UQCRC1: variants seen among roughly 807,000 people sequenced by gnomAD.
UQCRC1 encodes ubiquinol-cytochrome c reductase core protein 1.
In UQCRC1, 34 loss-of-function variants were observed where a neutral mutation model predicts 58.0. That is an observed-to-expected ratio of 0.59 (90% CI 0.45 to 0.78). The LOEUF is 0.78. Ranked by LOEUF, UQCRC1 falls within the 30% of genes least tolerant of loss-of-function variation. The pLI, the probability that UQCRC1 is intolerant of heterozygous loss-of-function variation, is 0.00. For missense variants in UQCRC1, 610 were observed against 646.0 expected, an observed-to-expected ratio of 0.94 and a Z score of 0.60; for synonymous variants, 276 against 248.8, an observed-to-expected ratio of 1.11 and a Z score of -1.03.
At chr3:48,603,840 C>A (rs1273120874) in intron 5 of UQCRC1, among the ~76,000 whole-genome samples, 197 bp from the exon 6 acceptor site, 1 of 151,656 alleles carries the variant, frequency 6.6e-6, no homozygotes, top group Non-Finnish European at 1.5e-5. Context: ...CCTTGTCTGC[C>A]CTTGCCTCAT....
intron 5 of UQCRC1, 26 bp downstream of exon 5, chr3:48,604,207 C>G: frequency 6.2e-7 from 1 of 1,609,814 alleles, no homozygotes; most frequent in Non-Finnish European, 8.5e-7. Context: ...AGCAAGCATC[C>G]CCCCACAAGG....
intron 7 of UQCRC1, 30 bp from the exon 8 acceptor site, chr3:48,601,148 C>G: frequency 1.3e-6 from 2 of 1,581,224 alleles, no homozygotes; most frequent in Middle Eastern, 3.8e-4. Context: ...GGCTGAGGAA[C>G]AGCCAGACTG....
chr3:48,604,719 A>G lies in UQCRC1; in HGVS notation c.359T>C (p.Leu120Pro). The G allele has an allele frequency of 6.2e-7, 1 of 1,614,168 alleles. No homozygotes were observed. The highest frequency in any genetic ancestry group is 8.5e-7 in the Non-Finnish European group (1 of 1,180,020). The change falls in exon 4 of 13, where the codon CTT (leucine) becomes CCT (proline). Residue 120 changes from leucine (L) to proline (P), a missense_variant. Coordinates refer to ENST00000203407, the MANE Select transcript of UQCRC1 (RefSeq NM_003365.3). ...GTGCTCCCGGGTGCTGTAGGCATTAAGATGGGCCCCCATGCTCTCCACCTC... is the reference window on the plus strand; with the variant it reads ...GTGCTCCCGGGTGCTGTAGGCATTAGGATGGGCCCCCATGCTCTCCACCTC... ...EKEVESMGAH[L>P]NAYSTREHTA...
chr3:48,604,932 A>T, intron 3 of UQCRC1, 152 bp from the exon 4 acceptor site: 1 of 1,159,310 alleles, frequency 8.6e-7, no homozygotes, highest in Non-Finnish European at 1.2e-6. Context: ...CTGTTTACCA[A>T]GCACTAAGCA....
intron 2 of UQCRC1, among the ~76,000 whole-genome samples, chr3:48,608,409 A>G (rs115235457): frequency 0.014 from 2,063 of 152,336 alleles, 22 homozygotes; most frequent in Non-Finnish European, 0.021. Context: ...CTGGCACTGG[A>G]GCACAGACAG....
At chr3:48,602,714 GGT>G (rs1381549997) in intron 6 of UQCRC1, among the ~76,000 whole-genome samples, 1 of 151,724 alleles carries the variant, frequency 6.6e-6, no homozygotes, top group Non-Finnish European at 1.5e-5. Flanking sequence ...CCAGAGACGG[GGT>G]TTTGTCACGT....
chr3:48,599,475 A>G (rs1443875532), intron 12 of UQCRC1, 160 bp downstream of exon 12: 3 of 800,790 alleles, frequency 3.7e-6, no homozygotes, highest in African/African-American at 1.7e-5. Flanking sequence ...AGGTTTTCTG[A>G]GCAAGAACTC....
Position 48,604,283 on chromosome 3 carries a change from G to C in UQCRC1, c.576C>G (p.Phe192Leu), listed in dbSNP as rs1477566163. 1 of 1,613,404 alleles carries C rather than the reference G, an allele frequency of 6.2e-7. No individual in the cohort carries two copies. Among genetic ancestry groups the C allele is most frequent in the Non-Finnish European group, 8.5e-7 (1 of 1,180,052 alleles). Residue 192 changes from phenylalanine (F) to leucine (L), a missense_variant, in exon 5 of 13, where the codon TTC (phenylalanine) becomes TTG (leucine). Coordinates refer to ENST00000203407, the MANE Select transcript of UQCRC1 (RefSeq NM_003365.3). ...VVFNYLHATAFQGTPLAQAVE... is the reference protein window; with the variant it reads ...VVFNYLHATALQGTPLAQAVE... The stretch of plus-strand genomic sequence containing the variant: ...CAGCCTGGGCTAGAGGTGTGCCCTG[G>C]AATGCTGTGGCATGCAGGTAGTTAA...
At chr3:48,602,621 C>G (rs1383113365) in intron 6 of UQCRC1, among the ~76,000 whole-genome samples, 1 of 150,792 alleles carries the variant, frequency 6.6e-6, no homozygotes. Flanking sequence ...CCCCCGGGTT[C>G]AAGGGATTCT....
intron 6 of UQCRC1, among the ~76,000 whole-genome samples, 163 bp from the exon 7 acceptor site, chr3:48,601,630 C>A (rs2046367318): frequency 6.6e-6 from 1 of 152,240 alleles, no homozygotes; most frequent in South Asian, 2.1e-4. Flanking sequence ...CTCAGACAGA[C>A]CCTGCCTTGT....
At position 48,601,118 on chromosome 3, in the gene UQCRC1, T is replaced by C. The variant is rs1348012339; in HGVS notation, c.823A>G (p.Ile275Val). 19 of 1,598,104 alleles carry C rather than the reference T, an allele frequency of 1.2e-5. No individual in the cohort carries two copies. The highest frequency in any genetic ancestry group is 3.3e-5 in the South Asian group (3 of 89,814). ...GGTAGAGCATCATCACGGTGGCGGA[T>C]CTGAAACAGTACATGACAAGGCTGA... ...LTPCRFTGSE[I>V]RHRDDALPFA... The change falls in exon 8 of 13, where the codon ATC becomes GTC. Residue 275 changes from isoleucine to valine, a missense_variant and splice_region_variant. Ile to Val is a conservative substitution (Grantham distance 29, BLOSUM62 3). Transcript: ENST00000203407.
At chr3:48,607,968 G>T (rs1290971599) in intron 2 of UQCRC1, among the ~76,000 whole-genome samples, 1 of 152,190 alleles carries the variant, frequency 6.6e-6, no homozygotes, top group Non-Finnish European at 1.5e-5. Context: ...GGGATTACAG[G>T]CGTGTGCCAT....
In UQCRC1 at chr3:48,609,220, C is replaced by A. The variant is rs753056415; in HGVS notation, c.152G>T (p.Ser51Ile). The A allele has an allele frequency of 3.1e-6, 5 of 1,613,090 alleles. No homozygotes were observed. Among genetic ancestry groups the A allele is most frequent in the South Asian group, 2.2e-5 (2 of 91,070 alleles). The change falls in exon 2 of 13, where the codon AGC becomes ATC. Residue 51 changes from serine to isoleucine, a missense_variant. By Grantham distance (142) the Ser-to-Ile change is moderately radical. Coordinates refer to ENST00000203407, the MANE Select transcript of UQCRC1 (RefSeq NM_003365.3). ...ALQFVPETQV[S>I]LLDNGLRVAS... ...CACACGCAGGCCGTTGTCCAGCAGG[C>A]TAACCTGCGTCTCCGGCACGAACTG...
In UQCRC1 at chr3:48,601,011, G is replaced by C. The variant is rs777382202; in HGVS notation, c.930C>G (p.Ile310Met). The change falls in exon 8 of 13, where the codon ATC becomes ATG. Residue 310 changes from isoleucine (I) to methionine (M), a missense_variant. Ile to Met is a conservative substitution (Grantham distance 10). Coordinates refer to ENST00000203407, the MANE Select transcript of UQCRC1 (RefSeq NM_003365.3). ...CATAAGTGCAGTCATAGTGGCCGAT[G>C]ATGGCATTGGCCACTTGCAAGGCCA... Reference protein sequence around the residue: ...DNVALQVANAIIGHYDCTYGG... With the variant: ...DNVALQVANAMIGHYDCTYGG... 4 of 1,607,916 alleles carry C rather than the reference G, an allele frequency of 2.5e-6. No homozygotes were observed. The highest frequency in any genetic ancestry group is 4.5e-5 in the East Asian group (2 of 44,650).
rs1553620214 is a variant in UQCRC1 at position 48,600,140 on chromosome 3, CAGG to C, written c.1222_1224del (p.Pro408del). 6.2e-7 allele frequency: 1 copy of C among 1,614,152 alleles called. No homozygotes were observed. The highest frequency in any genetic ancestry group is 8.5e-7 in the Non-Finnish European group (1 of 1,180,016). On this transcript the variant is annotated inframe_deletion, in exon 11 of 13. Coordinates refer to ENST00000203407, the MANE Select transcript of UQCRC1 (RefSeq NM_003365.3). ...AGGCTGCGTCCGATGTCCTCACACA[CAGG>C]AGTAGTGCCTTTAAGGGTGAGAGAA...
chr3:48,609,490 C>G, intron 1 of UQCRC1, 62 bp downstream of exon 1: 3 of 1,537,508 alleles, frequency 2.0e-6, no homozygotes, highest in Non-Finnish European at 2.6e-6. Flanking sequence ...CTGCTAACAG[C>G]CCACACCTGT....
chr3:48,609,119 G>T lies in UQCRC1; in HGVS notation c.210+43C>A, dbSNP rs750022241. 3.2e-6 allele frequency: 5 copies of T among 1,573,138 alleles called. No homozygotes were observed. The Admixed American group carries it at 8.9e-5, about 28-fold the overall frequency. On this transcript the variant is annotated intron_variant, in intron 2 of 12. Coordinates refer to ENST00000203407, the MANE Select transcript of UQCRC1 (RefSeq NM_003365.3). Reference sequence around the variant, plus strand: ...ACCCCAACCAGGGAAAAGACGGCAGGCCCAACCTGGAGGCCCTCTCCCCAA... The same window carrying T: ...ACCCCAACCAGGGAAAAGACGGCAGTCCCAACCTGGAGGCCCTCTCCCCAA...
chr3:48,605,653 G>T, intron 3 of UQCRC1, 117 bp downstream of exon 3: 1 of 1,033,490 alleles, frequency 9.7e-7, no homozygotes, highest in Non-Finnish European at 1.4e-6. Context: ...AGGAAAGCCA[G>T]CCAGACATCA....
intron 2 of UQCRC1, among the ~76,000 whole-genome samples, chr3:48,606,797 C>T (rs531076720): frequency 2.0e-5 from 3 of 151,198 alleles, no homozygotes; most frequent in East Asian, 1.9e-4. Flanking sequence ...CTTGGTCACA[C>T]GGTCTAGTCT....
Sources: allele counts gnomAD v4.1 joint callset (sites outside exome capture counted in the v4.1 genomes callset), GRCh38; gene constraint gnomAD v4.1.1; transcripts MANE v1.5; gene names NCBI Gene and HGNC (gene_info 2026-07-23, HGNC 2026-07-21).